Variants in SNX24 observed in about 807,000 individuals in gnomAD.
The protein encoded by SNX24 is sorting nexin 24, also known as sorting nexin-24.
SNX24 carries 22 observed loss-of-function variants against 28.7 expected under a neutral mutation model. The ratio of observed to expected loss-of-function variants is 0.77; its 90% CI spans 0.55 to 1.10. SNX24 has a LOEUF of 1.10. Among genes scored for constraint, SNX24 ranks in the 50% least tolerant of loss-of-function variants. SNX24 has a pLI of 0.00. For synonymous variants in SNX24, 69 were observed against 71.5 expected (o/e 0.96, Z 0.18); for missense variants, 221 against 201.1 (o/e 1.10, Z -0.60).
chr5:122,949,541 C>G (rs377563357), intron 3 of SNX24, among the ~76,000 whole-genome samples: 2 of 151,992 alleles, frequency 1.3e-5, no homozygotes, highest in African/African-American at 4.8e-5. Context: ...AATGAATTGC[C>G]ACAGTGTAAA....
At chr5:122,944,827 A>C (rs1340376659) in intron 2 of SNX24, among the ~76,000 whole-genome samples, 1 of 152,108 alleles carries the variant, frequency 6.6e-6, no homozygotes, top group Non-Finnish European at 1.5e-5. Context: ...CCCAGGTTTA[A>C]TTGTATGAAT....
intron 2 of SNX24, among the ~76,000 whole-genome samples, chr5:122,942,991 T>C (rs749743660): frequency 1.3e-5 from 2 of 152,218 alleles, no homozygotes; most frequent in Non-Finnish European, 2.9e-5. Flanking sequence ...TGATTTTCTA[T>C]TCTGAAATAT....
chr5:122,922,939 A>C (rs981334801), intron 1 of SNX24, among the ~76,000 whole-genome samples: 3 of 152,190 alleles, frequency 2.0e-5, no homozygotes, highest in African/African-American at 7.2e-5. Flanking sequence ...TACTTGGATA[A>C]AGGAGTAATC....
In SNX24 at chr5:122,944,570, C is replaced by A. The variant is rs1277566692; in HGVS notation, c.145-1485C>A. Among the ~76,000 whole-genome samples the A allele has an allele frequency of 2.6e-5, 4 of 152,140 alleles. 1 individual carries two copies. In the South Asian group the frequency reaches 8.3e-4, roughly 32 times the overall value. On this transcript the variant is annotated intron_variant, in intron 2 of 6. Transcript: ENST00000261369. ...AAAATAATGGTGACATTAACAGATACAACTTGGACCCTCCCTTCATAAAAT... is the reference window on the plus strand; with the variant it reads ...AAAATAATGGTGACATTAACAGATAAAACTTGGACCCTCCCTTCATAAAAT...
intron 1 of SNX24, among the ~76,000 whole-genome samples, chr5:122,923,016 T>C (rs1188728290): frequency 6.6e-6 from 1 of 152,160 alleles, no homozygotes; most frequent in Admixed American, 6.6e-5. Context: ...CTGATCTATC[T>C]ATCTATCTTT....
rs533348474 is a variant in SNX24, at chr5:122,870,305, A to G, written c.60+24612A>G. Among the ~76,000 whole-genome samples the G allele has an allele frequency of 2.0e-5, 3 of 152,320 alleles. No homozygotes were observed. In the East Asian group the frequency reaches 5.8e-4, roughly 29 times the overall value. On this transcript the variant is annotated intron_variant, in intron 1 of 6. Coordinates refer to ENST00000261369, the MANE Select transcript of SNX24 (RefSeq NM_014035.4). Reference sequence around the variant, plus strand: ...CATCCCGAGGAGCTGTAAGTAATCAAAAAGCAGCAGGAAGCTCCGCTGCTT... The same window carrying G: ...CATCCCGAGGAGCTGTAAGTAATCAGAAAGCAGCAGGAAGCTCCGCTGCTT...
chr5:123,003,338 C>G (rs1254928012), intron 6 of SNX24, among the ~76,000 whole-genome samples: 2 of 152,284 alleles, frequency 1.3e-5, no homozygotes, highest in African/African-American at 4.8e-5. Context: ...TGAAGAATAA[C>G]TTTCTCTCTG....
intron 5 of SNX24, among the ~76,000 whole-genome samples, chr5:123,019,754 A>C (rs1258506677): frequency 2.0e-5 from 3 of 152,250 alleles, no homozygotes; most frequent in African/African-American, 7.2e-5. Flanking sequence ...GCCCACAACT[A>C]TAAATGTGTC....
At chr5:123,011,480 T>A (rs1381064205), downstream of SNX24, among the ~76,000 whole-genome samples, 1 of 151,754 alleles carries the variant, frequency 6.6e-6, no homozygotes, top group Non-Finnish European at 1.5e-5. Flanking sequence ...CAGTTACAGT[T>A]ATAAGTTCCC....
At chr5:123,028,594 T>C (rs995111369) in intron 5 of SNX24, 3 of 474,720 alleles carry the variant, frequency 6.3e-6, no homozygotes, top group Non-Finnish European at 1.1e-5. Context: ...TAAGGACGCC[T>C]CCCTCATACC....
At chr5:122,849,191 C>A (rs1754785937) in intron 1 of SNX24, among the ~76,000 whole-genome samples, 1 of 152,168 alleles carries the variant, frequency 6.6e-6, no homozygotes, top group Non-Finnish European at 1.5e-5. Context: ...GAAGTTTATA[C>A]AAATTTATTC....
intron 1 of SNX24, among the ~76,000 whole-genome samples, chr5:122,913,566 G>A (rs1296220618): frequency 6.6e-6 from 1 of 151,926 alleles, no homozygotes; most frequent in African/African-American, 2.4e-5. Context: ...CTGGGCGGAG[G>A]GGCTCCTCAC....
intron 5 of SNX24, among the ~76,000 whole-genome samples, chr5:123,026,815 C>A (rs1455693149): frequency 6.6e-6 from 1 of 152,198 alleles, no homozygotes; most frequent in Non-Finnish European, 1.5e-5. Flanking sequence ...TCCTCCAATA[C>A]CTCAAGGGTC....
At chr5:122,869,951 G>A (rs890199958) in intron 1 of SNX24, among the ~76,000 whole-genome samples, 1 of 151,838 alleles carries the variant, frequency 6.6e-6, no homozygotes, top group Admixed American at 6.6e-5. Flanking sequence ...TGTTTGCAGG[G>A]TGATGCCATG....
chr5:122,966,653 G>T (rs1048724713), intron 3 of SNX24, among the ~76,000 whole-genome samples: 3 of 152,180 alleles, frequency 2.0e-5, no homozygotes, highest in African/African-American at 7.2e-5. Flanking sequence ...GCATAAGGAA[G>T]ATGTGGATTC....
rs1396058675 is a variant in SNX24, at chr5:122,959,399, A to G, written c.249+13240A>G. 2.7e-5 allele frequency among the ~76,000 whole-genome samples: 4 copies of G among 150,434 alleles called. No individual in the cohort carries two copies. The East Asian group carries it at 5.8e-4, about 22-fold the overall frequency. On this transcript the variant is annotated intron_variant, in intron 3 of 6. Coordinates refer to ENST00000261369, the MANE Select transcript of SNX24 (RefSeq NM_014035.4). ...TTTATATATATATAATAAAAAATACATAATATATATATTAGAGACAAGACA... is the reference window on the plus strand; with the variant it reads ...TTTATATATATATAATAAAAAATACGTAATATATATATTAGAGACAAGACA...
At chr5:122,941,094 C>T (rs1759425503) in intron 2 of SNX24, among the ~76,000 whole-genome samples, 1 of 152,168 alleles carries the variant, frequency 6.6e-6, no homozygotes, top group Non-Finnish European at 1.5e-5. Context: ...AGATAAGTAC[C>T]AGATGCTATG....
At chr5:122,934,929 G>C (rs1425108179) in intron 1 of SNX24, among the ~76,000 whole-genome samples, 1 of 152,010 alleles carries the variant, frequency 6.6e-6, no homozygotes, top group Non-Finnish European at 1.5e-5. Context: ...GAACCATCTG[G>C]TCAGTAGAAG....
intron 1 of SNX24, among the ~76,000 whole-genome samples, chr5:122,891,860 G>A (rs951054306): frequency 1.3e-5 from 2 of 152,158 alleles, no homozygotes; most frequent in Non-Finnish European, 2.9e-5. Context: ...GAGCAAACAT[G>A]TGAGAATAAA....
Sources: allele counts gnomAD v4.1 joint callset (sites outside exome capture counted in the v4.1 genomes callset), GRCh38; gene constraint gnomAD v4.1.1; transcripts MANE v1.5; gene names NCBI Gene and HGNC (gene_info 2026-07-23, HGNC 2026-07-21).